APOBEC3F: variants seen among roughly 807,000 people sequenced by gnomAD.
APOBEC3F encodes the protein apolipoprotein B mRNA editing enzyme catalytic subunit 3F.
In APOBEC3F, 34 loss-of-function variants were observed where a neutral mutation model predicts 45.8. The observed-to-expected ratio is 0.74, with a 90% confidence interval of 0.57 to 0.99. APOBEC3F has a LOEUF of 0.99. Among genes scored for constraint, APOBEC3F ranks in the 50% least tolerant of loss-of-function variants. The pLI is 0.00. For synonymous variants in APOBEC3F, 192 were observed against 174.4 expected, an observed-to-expected ratio of 1.10 and a Z score of -0.80; for missense variants, 459 against 474.1, an observed-to-expected ratio of 0.97 and a Z score of 0.30.
In APOBEC3F at chr22:39,042,930, T is replaced by C. The variant is rs200578161; in HGVS notation, c.18-7T>C. ...TACATTGGCTGGTTTCTCTCTTGTG[T>C]CTTCAGAAACACAGTGGAGCGAATG... is the stretch of plus-strand genomic sequence containing the variant. On this transcript the variant is annotated splice_polypyrimidine_tract_variant and splice_region_variant and intron_variant, in intron 1 of 6. Transcript: ENST00000308521. 5 of 1,613,468 alleles carry C rather than the reference T, an allele frequency of 3.1e-6. No individual in the cohort carries two copies. The highest frequency in any genetic ancestry group is 4.2e-6 in the Non-Finnish European group (5 of 1,179,718).
chr22:39,044,291 C>T, intron 2 of APOBEC3F: 2 of 1,535,782 alleles, frequency 1.3e-6, no homozygotes, highest in Non-Finnish European at 1.8e-6. Flanking sequence ...AGAATTCACG[C>T]ATGAGGCTCT....
At position 39,053,903 on chromosome 22, in the gene APOBEC3F, G is replaced by A. The variant is rs1927609882; in HGVS notation, c.*1208G>A. 1 of 152,178 alleles carries A rather than the reference G, an allele frequency of 6.6e-6. No homozygotes were observed. Among genetic ancestry groups the A allele is most frequent in the African/African-American group, 2.4e-5 (1 of 41,426 alleles). 9.4% of individuals were successfully genotyped at this position (152,178 alleles called of 1,614,324 possible). A position where few individuals can be genotyped will look rare whatever the true frequency, so the allele number is the denominator to read the frequency against. On this transcript the variant is annotated 3_prime_UTR_variant, in exon 7 of 7. Coordinates refer to ENST00000308521, the MANE Select transcript of APOBEC3F (RefSeq NM_145298.6). ...TAGCTTCTGCAATAAATGGCTGTAAGTCTTGGACTCCTTGCTATAATCGCA... is the reference window on the plus strand; with the variant it reads ...TAGCTTCTGCAATAAATGGCTGTAAATCTTGGACTCCTTGCTATAATCGCA...
In APOBEC3F at chr22:39,042,996, T is replaced by C; in HGVS notation, c.77T>C (p.Ile26Thr). 6.2e-7 allele frequency: 1 copy of C among 1,614,124 alleles called. No homozygotes were observed. Among genetic ancestry groups the C allele is most frequent in the Non-Finnish European group, 8.5e-7 (1 of 1,180,042 alleles). ...TCCTACAACTTTTATAATAGACCCA[T>C]CCTTTCTCGTCGGAATACCGTCTGG... is the stretch of plus-strand genomic sequence containing the variant. ...TFSYNFYNRP[I>T]LSRRNTVWLC... The change falls in exon 2 of 7, where the codon ATC (isoleucine) becomes ACC (threonine). Residue 26 changes from isoleucine (I) to threonine (T), a missense_variant. Coordinates refer to ENST00000308521, the MANE Select transcript of APOBEC3F (RefSeq NM_145298.6).
At chr22:39,046,046 C>T (rs1252623410) in intron 4 of APOBEC3F, among the ~76,000 whole-genome samples, 4 of 152,240 alleles carry the variant, frequency 2.6e-5, no homozygotes, top group African/African-American at 9.6e-5. Context: ...GATCTGGAGG[C>T]TGCAAGTCCA....
intron 5 of APOBEC3F, among the ~76,000 whole-genome samples, chr22:39,050,348 C>G (rs577518461): frequency 6.6e-6 from 1 of 152,074 alleles, no homozygotes; most frequent in Non-Finnish European, 1.5e-5. Context: ...ACAGCAGCCA[C>G]TGACCTCCCA....
rs1231427123 is a variant in APOBEC3F, at chr22:39,053,601, C to G, written c.*906C>G. ...CTGAACTCCAGTCTGAGCAACAGAT[C>G]GAGACCCTGCCTGAAAATAAATCAA... On this transcript the variant is annotated 3_prime_UTR_variant, in exon 7 of 7. Coordinates refer to ENST00000308521, the MANE Select transcript of APOBEC3F (RefSeq NM_145298.6). The G allele has an allele frequency of 6.6e-6, 1 of 152,014 alleles. No homozygotes were observed. The allele number at this position is 152,014 out of a possible 1,614,324, so 9.4% of individuals were successfully genotyped here. A position where few individuals can be genotyped will look rare whatever the true frequency, so the allele number is the denominator to read the frequency against.
rs1433950959 is a variant in APOBEC3F at position 39,052,345 on chromosome 22, G to C, written c.995G>C (p.Gly332Ala). 4 of 1,614,124 alleles carry C rather than the reference G, an allele frequency of 2.5e-6. No homozygotes were observed. Among genetic ancestry groups the C allele is most frequent in the Non-Finnish European group, 3.4e-6 (4 of 1,179,964 alleles). The change falls in exon 6 of 7, where the codon GGC (glycine) becomes GCC (alanine). Residue 332 changes from glycine to alanine, a missense_variant. By Grantham distance (60) the Gly-to-Ala change is moderately conservative. Coordinates refer to ENST00000308521, the MANE Select transcript of APOBEC3F (RefSeq NM_145298.6). Reference sequence around the variant, plus strand: ...GAAGGGGCCTCCGTGGAGATCATGGGCTACAAAGGTGAGACGTTGGGGGGC... The same window carrying C: ...GAAGGGGCCTCCGTGGAGATCATGGCCTACAAAGGTGAGACGTTGGGGGGC... ...SQEGASVEIM[G>A]YKDFKYCWEN...
chr22:39,046,527 C>T (rs553824086), intron 4 of APOBEC3F, among the ~76,000 whole-genome samples: 27 of 152,232 alleles, frequency 1.8e-4, no homozygotes, highest in Non-Finnish European at 1.9e-4. Context: ...CCTCTGCTCA[C>T]GCCTGTCCCT....
At chr22:39,046,081 G>A (rs1330321951) in intron 4 of APOBEC3F, among the ~76,000 whole-genome samples, 1 of 152,152 alleles carries the variant, frequency 6.6e-6, no homozygotes, top group East Asian at 1.9e-4. Flanking sequence ...GCGGGGTTGT[G>A]TCTTCTGCAG....
At chr22:39,041,452 A>G (rs1926886778) in intron 1 of APOBEC3F, among the ~76,000 whole-genome samples, 1 of 148,206 alleles carries the variant, frequency 6.7e-6, no homozygotes, top group Non-Finnish European at 1.5e-5. Context: ...CTGAAGCACA[A>G]GATAAATCGT....
Position 39,052,242 on chromosome 22 carries a change from A to T in APOBEC3F, c.892A>T (p.Asn298Tyr), listed in dbSNP as rs558040128. ...AEFLARHSNV[N>Y]LTIFTARLYY... Reference sequence around the variant, plus strand: ...GTTCCTGGCCAGGCACAGCAACGTGAATCTCACCATCTTCACCGCCCGCCT... The same window carrying T: ...GTTCCTGGCCAGGCACAGCAACGTGTATCTCACCATCTTCACCGCCCGCCT... Residue 298 changes from asparagine (N) to tyrosine (Y), a missense_variant, in exon 6 of 7, where the codon AAT becomes TAT. Coordinates refer to ENST00000308521, the MANE Select transcript of APOBEC3F (RefSeq NM_145298.6). 3.1e-5 allele frequency: 50 copies of T among 1,614,162 alleles called. No homozygotes were observed. The South Asian group carries it at 4.6e-4, about 15-fold the overall frequency.
At position 39,052,953 on chromosome 22, in the gene APOBEC3F, A is replaced by C; in HGVS notation, c.*258A>C. The C allele has an allele frequency of 3.5e-5, 22 of 625,116 alleles. No homozygotes were observed. Among genetic ancestry groups the C allele is most frequent in the Non-Finnish European group, 4.7e-5 (21 of 444,392 alleles). 38.7% of individuals were successfully genotyped at this position (625,116 alleles called of 1,614,324 possible). A position where few individuals can be genotyped will look rare whatever the true frequency, so the allele number is the denominator to read the frequency against. ...TGTTCCCTGAGCCTGCATGCCCCTA[A>C]CCTGCCTTTTCCCATCTCCCCAGCA... is the stretch of plus-strand genomic sequence containing the variant. On this transcript the variant is annotated 3_prime_UTR_variant, in exon 7 of 7. Coordinates refer to ENST00000308521, the MANE Select transcript of APOBEC3F (RefSeq NM_145298.6).
At chr22:39,046,893 C>T (rs1021763785) in intron 4 of APOBEC3F, among the ~76,000 whole-genome samples, 18 of 152,046 alleles carry the variant, frequency 1.2e-4, no homozygotes, top group African/African-American at 4.3e-4. Flanking sequence ...CAGGAGCTCT[C>T]CAGGAAGCAC....
chr22:39,046,056 A>G (rs1927201593), intron 4 of APOBEC3F, among the ~76,000 whole-genome samples: 1 of 152,108 alleles, frequency 6.6e-6, no homozygotes, highest in Non-Finnish European at 1.5e-5. Context: ...CTGCAAGTCC[A>G]AGGTGGAGGG....
intron 1 of APOBEC3F, among the ~76,000 whole-genome samples, chr22:39,042,090 GCCTCTGGCA>G (rs1926933268): frequency 6.6e-6 from 1 of 152,162 alleles, no homozygotes; most frequent in Non-Finnish European, 1.5e-5. Context: ...ATCTCTCTGC[GCCTCTGGCA>G]CCTCCTCTGT....
chr22:39,046,695 G>A (rs1399267807), intron 4 of APOBEC3F, among the ~76,000 whole-genome samples: 1 of 151,194 alleles, frequency 6.6e-6, no homozygotes, highest in Non-Finnish European at 1.5e-5. Flanking sequence ...TCGGCTCACT[G>A]CAATCTCTAC....
chr22:39,049,311 C>A, intron 4 of APOBEC3F, 114 bp from the exon 5 acceptor site: 1 of 1,279,290 alleles, frequency 7.8e-7, no homozygotes, highest in Non-Finnish European at 1.1e-6. Flanking sequence ...AGTCTTTCTG[C>A]CTGGGAAAGC....
rs761896786 is a variant in APOBEC3F at position 39,043,070 on chromosome 22, G to A, written c.151G>A (p.Ala51Thr). 14 of 1,614,006 alleles carry A rather than the reference G, an allele frequency of 8.7e-6. No individual in the cohort carries two copies. The highest frequency in any genetic ancestry group is 4.0e-5 in the African/African-American group (3 of 74,916). Reference protein sequence around the residue: ...TKGPSRPRLDAKIFRGQVYSQ... With the variant: ...TKGPSRPRLDTKIFRGQVYSQ... Reference sequence around the variant, plus strand: ...GGGTCCCTCAAGGCCCCGTTTGGACGCAAAGATCTTTCGAGGCCAGGTACC... The same window carrying A: ...GGGTCCCTCAAGGCCCCGTTTGGACACAAAGATCTTTCGAGGCCAGGTACC... The change falls in exon 2 of 7, where the codon GCA (alanine) becomes ACA (threonine). Residue 51 changes from alanine to threonine, a missense_variant. Physicochemically the swap from Ala to Thr is moderately conservative, Grantham distance 58. Transcript: ENST00000308521.
chr22:39,049,051 C>T (rs895438737), intron 4 of APOBEC3F, among the ~76,000 whole-genome samples: 3 of 151,576 alleles, frequency 2.0e-5, no homozygotes, highest in African/African-American at 4.9e-5. Flanking sequence ...GTGATACCAA[C>T]GTAAAAAGAA....
Sources: gnomAD v4.1 joint callset for allele counts (sites outside exome capture counted in the v4.1 genomes callset) on GRCh38, gnomAD v4.1.1 for gene constraint, MANE v1.5 for transcripts, NCBI Gene and HGNC (gene_info 2026-07-23, HGNC 2026-07-21) for gene names.